The following USP6NL variants were observed in gnomAD, a reference collection of about 807,000 sequenced individuals.
The protein encoded by USP6NL is USP6 N-terminal-like protein.
Under a neutral mutation model 61.9 loss-of-function variants are expected in USP6NL, and 26 were observed. The ratio of observed to expected loss-of-function variants is 0.42; its 90% CI spans 0.31 to 0.58. USP6NL has a LOEUF of 0.58. Among genes scored for constraint, USP6NL ranks in the 20% least tolerant of loss-of-function variants. The pLI is 0.16. For missense variants in USP6NL, 1,114 were observed against 1,034.3 expected (o/e 1.08, Z -1.06); for synonymous variants, 432 against 390.1 (o/e 1.11, Z -1.27).
Position 11,597,566 on chromosome 10 carries a change from T to C in USP6NL, c.4+65A>G. The C allele has an allele frequency of 2.0e-6, 3 of 1,511,214 alleles. No homozygotes were observed. Among genetic ancestry groups the C allele is most frequent in the South Asian group, 2.4e-5 (2 of 82,814 alleles). 93.6% of individuals were successfully genotyped at this position (1,511,214 alleles called of 1,614,324 possible). On this transcript the variant is annotated intron_variant, in intron 2 of 14. Coordinates refer to ENST00000609104, the MANE Select transcript of USP6NL (RefSeq NM_014688.5). The surrounding 1 kb of genome is among the most constrained non-coding windows in gnomAD (Gnocchi z 4.6). ...AATTTATTCAGTAACATGTTTTTCTTCTCCTAAGCACAATACAGCAAACGC... is the reference window on the plus strand; with the variant it reads ...AATTTATTCAGTAACATGTTTTTCTCCTCCTAAGCACAATACAGCAAACGC...
intron 1 of USP6NL, among the ~76,000 whole-genome samples, chr10:11,599,635 T>G (rs1471485073): frequency 6.6e-6 from 1 of 152,172 alleles, no homozygotes; most frequent in Non-Finnish European, 1.5e-5. Context: ...GATTAGTTCT[T>G]AGAAACATTT....
Position 11,509,619 on chromosome 10 carries a change from C to A in USP6NL, c.252G>T (p.Trp84Cys). 1 of 1,564,254 alleles carries A rather than the reference C, an allele frequency of 6.4e-7. No homozygotes were observed. Among genetic ancestry groups the A allele is most frequent in the Non-Finnish European group, 8.7e-7 (1 of 1,153,334 alleles). Residue 84 changes from tryptophan (W) to cysteine (C), a missense_variant, in exon 6 of 15, where the codon TGG becomes TGT. Trp to Cys is a radical substitution (Grantham distance 215, BLOSUM62 -2). Coordinates refer to ENST00000609104, the MANE Select transcript of USP6NL (RefSeq NM_014688.5). ...CCTTTTCAGTGTTCTTGTATTTTTC[C>A]CATCCTTTCAGCATTTTCAGCCATT... Reference protein sequence around the residue: ...TTKWLKMLKGWEKYKNTEKFH... With the variant: ...TTKWLKMLKGCEKYKNTEKFH...
chr10:11,463,614 C>T lies in USP6NL; in HGVS notation c.1314G>A (p.Glu438=). The change falls in exon 15 of 15, where the codon GAG becomes GAA. Residue 438 remains glutamate (E), a synonymous_variant. Coordinates refer to ENST00000609104, the MANE Select transcript of USP6NL (RefSeq NM_014688.5). The surrounding 1 kb of genome is among the most constrained non-coding windows in gnomAD (Gnocchi z 6.3). The part of the protein sequence containing the change: ...AQPPRRKSVE[E]ESKKLKDEAD... The stretch of plus-strand genomic sequence containing the variant: ...CCTCATCTTTAAGCTTTTTGCTCTC[C>T]TCCTCCACCGATTTCCGTCTTGGCG... 1 of 1,613,986 alleles carries T rather than the reference C, an allele frequency of 6.2e-7. No homozygotes were observed. Among genetic ancestry groups the T allele is most frequent in the Non-Finnish European group, 8.5e-7 (1 of 1,179,888 alleles).
chr10:11,490,854 G>C lies in USP6NL; in HGVS notation c.521C>G (p.Ala174Gly). The C allele has an allele frequency of 1.3e-6, 2 of 1,550,910 alleles. No individual in the cohort carries two copies. Among genetic ancestry groups the C allele is most frequent in the Non-Finnish European group, 1.7e-6 (2 of 1,148,232 alleles). Reference protein sequence around the residue: ...VKQQSLFHVLAAYSIYNTEVG... With the variant: ...VKQQSLFHVLGAYSIYNTEVG... ...TACCGTGTTATAAATAGAATAGGCA[G>C]CAAGCACATGGAATAAGGATTGTTG... The change falls in exon 9 of 15, where the codon GCT (alanine) becomes GGT (glycine). Residue 174 changes from alanine (A) to glycine (G), a missense_variant. Physicochemically the swap from Ala to Gly is moderately conservative, Grantham distance 60. Coordinates refer to ENST00000609104, the MANE Select transcript of USP6NL (RefSeq NM_014688.5). This position sits in a 1 kb window ranked among gnomAD's most constrained non-coding sequence, Gnocchi z 4.5.
At chr10:11,484,879 A>G in intron 13 of USP6NL, 92 bp downstream of exon 13, 1 of 973,934 alleles carries the variant, frequency 1.0e-6, no homozygotes, top group Non-Finnish European at 1.5e-6. Context: ...CTATTAAAAG[A>G]CAATGAAGTT....
chr10:11,584,703 G>A (rs745585682), intron 2 of USP6NL, among the ~76,000 whole-genome samples: 4 of 152,142 alleles, frequency 2.6e-5, no homozygotes, highest in Non-Finnish European at 4.4e-5. Context: ...CTGGGAGGCC[G>A]AGGCAGGCAG....
intron 13 of USP6NL, among the ~76,000 whole-genome samples, chr10:11,483,381 G>T (rs1300907988): frequency 6.9e-6 from 1 of 145,684 alleles, no homozygotes; most frequent in Non-Finnish European, 1.5e-5. Flanking sequence ...AAAGAAGTAT[G>T]TTTCTACTTC....
Position 11,463,958 on chromosome 10 carries a change from G to T in USP6NL, c.1079-109C>A. The T allele has an allele frequency of 2.0e-6, 2 of 1,009,628 alleles. No homozygotes were observed. Among genetic ancestry groups the T allele is most frequent in the Non-Finnish European group, 2.9e-6 (2 of 701,750 alleles). 62.5% of individuals were successfully genotyped at this position (1,009,628 alleles called of 1,614,324 possible). ...GCTTTTCATCTGTGCACAGATACAC[G>T]CTGACATACAACACACTGTCATACA... On this transcript the variant is annotated intron_variant, in intron 14 of 14. Coordinates refer to ENST00000609104, the MANE Select transcript of USP6NL (RefSeq NM_014688.5). This position sits in a 1 kb window ranked among gnomAD's most constrained non-coding sequence, Gnocchi z 6.3.
chr10:11,463,946 G>T lies in USP6NL; in HGVS notation c.1079-97C>A. The T allele has an allele frequency of 8.7e-7, 1 of 1,154,946 alleles. No homozygotes were observed. Among genetic ancestry groups the T allele is most frequent in the Non-Finnish European group, 1.2e-6 (1 of 831,964 alleles). 71.5% of individuals were successfully genotyped at this position (1,154,946 alleles called of 1,614,324 possible). The stretch of plus-strand genomic sequence containing the variant: ...TAACAATGGCATGCTTTTCATCTGT[G>T]CACAGATACACGCTGACATACAACA... On this transcript the variant is annotated intron_variant, in intron 14 of 14. Transcript: ENST00000609104. This position sits in a 1 kb window ranked among gnomAD's most constrained non-coding sequence, Gnocchi z 6.3.
chr10:11,465,002 A>C lies in USP6NL; in HGVS notation c.1079-1153T>G, dbSNP rs1832387716. On this transcript the variant is annotated intron_variant, in intron 14 of 14. Coordinates refer to ENST00000609104, the MANE Select transcript of USP6NL (RefSeq NM_014688.5). This position sits in a 1 kb window ranked among gnomAD's most constrained non-coding sequence, Gnocchi z 4.5. Reference sequence around the variant, plus strand: ...ATAAAAATAAAATTAAAACCTATCCAGATTCCTCCAAAAGTTTTTTTCTAT... The same window carrying C: ...ATAAAAATAAAATTAAAACCTATCCCGATTCCTCCAAAAGTTTTTTTCTAT... Among the ~76,000 whole-genome samples, 1 of 150,354 alleles carries C rather than the reference A, an allele frequency of 6.7e-6. No homozygotes were observed. Among genetic ancestry groups the C allele is most frequent in the Non-Finnish European group, 1.5e-5 (1 of 67,086 alleles).
In USP6NL at chr10:11,537,254, G is replaced by T. The variant is rs1433215334; in HGVS notation, c.5-9687C>A. On this transcript the variant is annotated intron_variant, in intron 2 of 14. Transcript: ENST00000609104. The surrounding 1 kb of genome is among the most constrained non-coding windows in gnomAD (Gnocchi z 5.1). ...TGAGTCCTAAGTAGCTGGGACTACA[G>T]GCGCATGCTACCCTGTCTAGCTAAT... is the stretch of plus-strand genomic sequence containing the variant. Among the ~76,000 whole-genome samples the T allele has an allele frequency of 1.3e-5, 2 of 152,124 alleles. No individual in the cohort carries two copies. Among genetic ancestry groups the T allele is most frequent in the African/African-American group, 4.8e-5 (2 of 41,412 alleles).
At chr10:11,475,536 C>A (rs1159557633) in intron 14 of USP6NL, among the ~76,000 whole-genome samples, 1 of 136,998 alleles carries the variant, frequency 7.3e-6, no homozygotes, top group Non-Finnish European at 1.5e-5. Flanking sequence ...GCAAAGGTTG[C>A]AGTGAGCCGA....
chr10:11,584,302 T>C (rs912962047), intron 2 of USP6NL, among the ~76,000 whole-genome samples: 7 of 152,204 alleles, frequency 4.6e-5, no homozygotes, highest in African/African-American at 1.7e-4. Context: ...GGTTCATAAG[T>C]GCACATACAC....
chr10:11,470,934 C>A lies in USP6NL; in HGVS notation c.1079-7085G>T, dbSNP rs1832716050. Among the ~76,000 whole-genome samples, 1 of 152,182 alleles carries A rather than the reference C, an allele frequency of 6.6e-6. No homozygotes were observed. Among genetic ancestry groups the A allele is most frequent in the South Asian group, 2.1e-4 (1 of 4,826 alleles). The stretch of plus-strand genomic sequence containing the variant: ...GGCGTGGTGGCTCACGCCTGTAATC[C>A]CAGCACTTTGGGAGGCCGAGGTGGG... On this transcript the variant is annotated intron_variant, in intron 14 of 14. Transcript: ENST00000609104. The surrounding 1 kb of genome is among the most constrained non-coding windows in gnomAD (Gnocchi z 5.4).
rs1834632839 is a variant in USP6NL, at chr10:11,510,030, C to T, written c.196-355G>A. 2.0e-5 allele frequency among the ~76,000 whole-genome samples: 1 copy of T among 50,326 alleles called. No homozygotes were observed. The highest frequency in any genetic ancestry group is 1.7e-4 in the Admixed American group (1 of 5,786). The allele number at this position is 50,326 out of a possible 152,430, so 33.0% of individuals were successfully genotyped here. Reference sequence around the variant, plus strand: ...CACTACTTTGAAATTTAATTCTCTTCTTTCTTATTTTACTGAATTCTAGTA... The same window carrying T: ...CACTACTTTGAAATTTAATTCTCTTTTTTCTTATTTTACTGAATTCTAGTA... On this transcript the variant is annotated intron_variant, in intron 5 of 14. Transcript: ENST00000609104. The surrounding 1 kb of genome is among the most constrained non-coding windows in gnomAD (Gnocchi z 4.8).
intron 2 of USP6NL, among the ~76,000 whole-genome samples, chr10:11,555,891 T>C (rs1836691547): frequency 6.6e-6 from 1 of 152,150 alleles, no homozygotes; most frequent in Non-Finnish European, 1.5e-5. Flanking sequence ...CATCTTAGGA[T>C]TTCAAGACAT....
At position 11,482,971 on chromosome 10, in the gene USP6NL, T is replaced by C. The variant is rs1372823348; in HGVS notation, c.926-1049A>G. Among the ~76,000 whole-genome samples, 9 of 152,188 alleles carry C rather than the reference T, an allele frequency of 5.9e-5. No homozygotes were observed. Among genetic ancestry groups the C allele is most frequent in the African/African-American group, 1.7e-4 (7 of 41,420 alleles). On this transcript the variant is annotated intron_variant, in intron 13 of 14. Coordinates refer to ENST00000609104, the MANE Select transcript of USP6NL (RefSeq NM_014688.5). This position sits in a 1 kb window ranked among gnomAD's most constrained non-coding sequence, Gnocchi z 4.0. ...CTAATTGACACATCATTACCTCACA[T>C]ACTTATCTGTCCATAGTGAGAACAT... is the stretch of plus-strand genomic sequence containing the variant.
rs2096211330 is a variant in USP6NL at position 11,460,657 on chromosome 10, A to AC, written c.*1783_*1784insG. ...TATATATATATATATATATATATAA[A>AC]AATCTACAGTATTTACCACTGTTGA... On this transcript the variant is annotated 3_prime_UTR_variant, in exon 15 of 15. Transcript: ENST00000609104. 2 of 131,030 alleles carry AC rather than the reference A, an allele frequency of 1.5e-5. No individual in the cohort carries two copies. Among genetic ancestry groups the AC allele is most frequent in the African/African-American group, 3.0e-5 (1 of 33,294 alleles). The allele number at this position is 131,030 out of a possible 1,614,324, so 8.1% of individuals were successfully genotyped here.
intron 4 of USP6NL, among the ~76,000 whole-genome samples, chr10:11,519,168 T>C (rs752040166): frequency 6.6e-6 from 1 of 152,238 alleles, no homozygotes; most frequent in East Asian, 1.9e-4. Context: ...GGTGGTGAGC[T>C]GGATCTGCTC....
Sources: gnomAD v4.1 joint callset for allele counts (sites outside exome capture counted in the v4.1 genomes callset) on GRCh38, gnomAD v4.1.1 for gene constraint, Gnocchi (gnomAD v3.1) non-coding constraint, MANE v1.5 for transcripts, NCBI Gene and HGNC (gene_info 2026-07-23, HGNC 2026-07-21) for gene names.